EIPR1: variants seen among roughly 807,000 people sequenced by gnomAD.
The protein encoded by EIPR1 is EARP and GARP complex-interacting protein 1.
EIPR1 carries 25 observed loss-of-function variants against 48.1 expected under a neutral mutation model. That is an observed-to-expected ratio of 0.52 (90% CI 0.38 to 0.73). EIPR1 has a LOEUF of 0.73. Among genes scored for constraint, EIPR1 ranks in the 30% least tolerant of loss-of-function variants. EIPR1 has a pLI of 0.00. For missense variants in EIPR1, 415 were observed against 506.2 expected (o/e 0.82, Z 1.73); for synonymous variants, 204 against 201.9 (o/e 1.01, Z -0.09).
rs751628217 is a variant in EIPR1, at chr2:3,252,597, A to C, written c.416+4702T>G. Reference sequence around the variant, plus strand: ...CAGAGGGCGATTCCATCTCCAAAACAAAAACAAAAACAAAAAATTGGGCAA... The same window carrying C: ...CAGAGGGCGATTCCATCTCCAAAACCAAAACAAAAACAAAAAATTGGGCAA... On this transcript the variant is annotated intron_variant, in intron 4 of 8. Coordinates refer to ENST00000382125, the MANE Select transcript of EIPR1 (RefSeq NM_003310.5). 1.2e-3 allele frequency among the ~76,000 whole-genome samples: 190 copies of C among 152,178 alleles called. 3 individuals are homozygous for C. Among genetic ancestry groups the C allele is most frequent in the Non-Finnish European group, 2.9e-4 (20 of 68,022 alleles).
chr2:3,224,833 A>T (rs1222232805), intron 4 of EIPR1, among the ~76,000 whole-genome samples: 3 of 152,224 alleles, frequency 2.0e-5, no homozygotes, highest in African/African-American at 7.2e-5. Flanking sequence ...CCCCTGTTAC[A>T]TCTGAAGAGG....
chr2:3,272,961 C>CCACTGACATGAGTAATT (rs1667741736), intron 3 of EIPR1, among the ~76,000 whole-genome samples: 1 of 152,160 alleles, frequency 6.6e-6, no homozygotes, highest in Admixed American at 6.5e-5. Flanking sequence ...GCGACATCAC[C>CCACTGACATGAGTAATT]CACTGACATG....
At chr2:3,253,972 C>T (rs1311144044) in intron 4 of EIPR1, among the ~76,000 whole-genome samples, 2 of 152,162 alleles carry the variant, frequency 1.3e-5, no homozygotes, top group Admixed American at 1.3e-4. Flanking sequence ...GTGGTAGCGA[C>T]GTGAGTGTGG....
At chr2:3,292,843 G>C (rs1383816694) in intron 3 of EIPR1, among the ~76,000 whole-genome samples, 2 of 147,122 alleles carry the variant, frequency 1.4e-5, no homozygotes, top group African/African-American at 5.0e-5. Flanking sequence ...ATGAGACAGA[G>C]AGCAAAAATG....
intron 4 of EIPR1, chr2:3,214,476 G>A (rs1665561802): frequency 4.7e-6 from 2 of 424,846 alleles, no homozygotes; most frequent in Non-Finnish European, 8.6e-6. Context: ...GGAAGTCCTA[G>A]CCCCCCACCT....
chr2:3,299,618 T>TCACACACACACACA (rs1212478991), intron 3 of EIPR1, among the ~76,000 whole-genome samples: 1 of 125,976 alleles, frequency 7.9e-6, no homozygotes, highest in African/African-American at 2.9e-5. Context: ...TCTCTCTCTC[T>TCACACACACACACA]CTCTCTCACA....
At chr2:3,341,381 C>T (rs1356706853) in intron 2 of EIPR1, among the ~76,000 whole-genome samples, 2 of 152,162 alleles carry the variant, frequency 1.3e-5, no homozygotes, top group Non-Finnish European at 2.9e-5. Flanking sequence ...ATGGCAGTGA[C>T]ACGGGTGCAC....
At chr2:3,256,265 C>T (rs1430993048) in intron 4 of EIPR1, among the ~76,000 whole-genome samples, 6 of 152,196 alleles carry the variant, frequency 3.9e-5, no homozygotes, top group African/African-American at 1.4e-4. Context: ...AACTCCACCT[C>T]GTAAGCGAAT....
chr2:3,298,977 C>T (rs1668681537), intron 3 of EIPR1, among the ~76,000 whole-genome samples: 1 of 152,136 alleles, frequency 6.6e-6, no homozygotes, highest in Admixed American at 6.5e-5. Flanking sequence ...AGATCTTTGC[C>T]CTGGGATCAG....
intron 3 of EIPR1, among the ~76,000 whole-genome samples, chr2:3,288,326 A>T: frequency 1.3e-5 from 2 of 152,222 alleles, no homozygotes; most frequent in East Asian, 3.8e-4. Context: ...TTGGGACTCT[A>T]GCAGTTTAGG....
intron 3 of EIPR1, among the ~76,000 whole-genome samples, chr2:3,275,235 A>G (rs1258465658): frequency 6.7e-6 from 1 of 149,978 alleles, no homozygotes; most frequent in Non-Finnish European, 1.5e-5. Flanking sequence ...CAACAAAAGA[A>G]AAGCTGATTT....
chr2:3,341,138 A>G (rs1283420717), intron 2 of EIPR1, among the ~76,000 whole-genome samples: 8 of 151,600 alleles, frequency 5.3e-5, no homozygotes, highest in Non-Finnish European at 8.8e-5. Context: ...AAACTCCACA[A>G]TAGAATGGGT....
intron 3 of EIPR1, chr2:3,319,805 G>A (rs1273302297): frequency 1.0e-4 from 12 of 120,186 alleles, no homozygotes; most frequent in South Asian, 2.0e-4. Context: ...CCACCCCTGC[G>A]GGCAACACCG....
chr2:3,314,654 C>T (rs1486401490), intron 3 of EIPR1, among the ~76,000 whole-genome samples: 1 of 151,890 alleles, frequency 6.6e-6, no homozygotes, highest in East Asian at 1.9e-4. Context: ...CTCTTGTGTC[C>T]CCTCCCAATC....
intron 5 of EIPR1, among the ~76,000 whole-genome samples, chr2:3,198,141 G>A (rs765390503): frequency 2.6e-5 from 4 of 151,444 alleles, no homozygotes; most frequent in South Asian, 2.1e-4. Context: ...ACAGAAAGAC[G>A]GGCAGTTCCC....
At chr2:3,305,694 A>G (rs1668922000) in intron 3 of EIPR1, among the ~76,000 whole-genome samples, 1 of 152,160 alleles carries the variant, frequency 6.6e-6, no homozygotes, top group Admixed American at 6.5e-5. Context: ...GCCCTCCAGA[A>G]AGGCCCTCAC....
intron 1 of EIPR1, among the ~76,000 whole-genome samples, chr2:3,376,940 C>T (rs1659903401): frequency 1.3e-5 from 2 of 152,204 alleles, no homozygotes; most frequent in African/African-American, 4.8e-5. Context: ...TTCCCCCTGA[C>T]GCATTTACTC....
chr2:3,348,369 T>C (rs1670467483), intron 2 of EIPR1, among the ~76,000 whole-genome samples: 1 of 152,112 alleles, frequency 6.6e-6, no homozygotes, highest in African/African-American at 2.4e-5. Flanking sequence ...TCATCTCTTA[T>C]CTACATGAGA....
At chr2:3,346,205 T>C (rs1024578798) in intron 2 of EIPR1, among the ~76,000 whole-genome samples, 1 of 152,212 alleles carries the variant, frequency 6.6e-6, no homozygotes, top group Non-Finnish European at 1.5e-5. Context: ...CATTGACTCC[T>C]TGTGACTCTG....
Sources: allele counts gnomAD v4.1 joint callset (sites outside exome capture counted in the v4.1 genomes callset), GRCh38; gene constraint gnomAD v4.1.1; transcripts MANE v1.5; gene names NCBI Gene and HGNC (gene_info 2026-07-23, HGNC 2026-07-21).